The following APBB2 variants were observed in gnomAD, a reference collection of about 807,000 sequenced individuals.
The protein encoded by APBB2 is amyloid beta precursor protein binding family B member 2.
Under a neutral mutation model 82.5 loss-of-function variants are expected in APBB2, and 38 were observed. The ratio of observed to expected loss-of-function variants is 0.46; its 90% CI spans 0.36 to 0.60. The LOEUF (loss-of-function observed/expected upper bound fraction) is 0.60. Among genes scored for constraint, APBB2 ranks in the 20% least tolerant of loss-of-function variants. The pLI is 0.00. For synonymous variants in APBB2, 341 were observed against 368.2 expected (o/e 0.93, Z 0.85); for missense variants, 772 against 972.3 (o/e 0.79, Z 2.74).
intron 12 of APBB2, among the ~76,000 whole-genome samples, chr4:40,874,589 T>C (rs1766378903): frequency 6.6e-6 from 1 of 152,238 alleles, no homozygotes; most frequent in Admixed American, 6.5e-5. Context: ...TACAATGTTA[T>C]CATTCAGAAT....
intron 6 of APBB2, among the ~76,000 whole-genome samples, chr4:40,955,700 G>T (rs1791430501): frequency 6.6e-6 from 1 of 152,134 alleles, no homozygotes; most frequent in African/African-American, 2.4e-5. Context: ...ACTGCTGGAG[G>T]CCAACAGCTT....
rs187332302 is a variant in APBB2, at chr4:41,026,708, C to T, written c.19+6528G>A. Among the ~76,000 whole-genome samples the T allele has an allele frequency of 1.3e-4, 20 of 152,232 alleles. No homozygotes were observed. The East Asian group carries it at 3.9e-3, about 29-fold the overall frequency. ...GATAATATTTCATTGTATGGCTATACTACATTTTATTTGTTCACTGGTTAA... is the reference window on the plus strand; with the variant it reads ...GATAATATTTCATTGTATGGCTATATTACATTTTATTTGTTCACTGGTTAA... On this transcript the variant is annotated intron_variant, in intron 5 of 17. Coordinates refer to ENST00000508593, the MANE Select transcript of APBB2 (RefSeq NM_004307.2).
At chr4:40,968,240 A>T (rs1021016250) in intron 6 of APBB2, among the ~76,000 whole-genome samples, 4 of 152,236 alleles carry the variant, frequency 2.6e-5, no homozygotes, top group Admixed American at 2.6e-4. Context: ...CCAGGCAGTC[A>T]TATACCAGAA....
chr4:41,011,621 G>C (rs1480850064), intron 6 of APBB2, among the ~76,000 whole-genome samples: 1 of 152,018 alleles, frequency 6.6e-6, no homozygotes, highest in Non-Finnish European at 1.5e-5. Flanking sequence ...AGTAGAGAAG[G>C]GGTTTCACCA....
rs543247624 is a variant in APBB2, at chr4:41,070,839, G to A, written c.-148-5166C>T. On this transcript the variant is annotated intron_variant, in intron 3 of 17. Transcript: ENST00000508593. ...GAGACTTCTTTCTACTCTTAAGAAC[G>A]CTAAGATCAAGATAAATATACGCTA... Among the ~76,000 whole-genome samples, 6 of 152,154 alleles carry A rather than the reference G, an allele frequency of 3.9e-5. No homozygotes were observed. The East Asian group carries it at 7.7e-4, about 20-fold the overall frequency.
intron 4 of APBB2, among the ~76,000 whole-genome samples, chr4:41,063,804 G>A (rs1053961540): frequency 4.0e-5 from 6 of 151,702 alleles, no homozygotes; most frequent in African/African-American, 9.7e-5. Context: ...TCAGCCTCCC[G>A]AGTAGCTGGG....
At chr4:41,089,390 A>G (rs1355214580) in intron 3 of APBB2, among the ~76,000 whole-genome samples, 3 of 152,190 alleles carry the variant, frequency 2.0e-5, no homozygotes. Flanking sequence ...TTAGCACTCA[A>G]AAAGTGTCAG....
At chr4:41,208,520 C>T (rs1778526434) in intron 1 of APBB2, among the ~76,000 whole-genome samples, 1 of 152,126 alleles carries the variant, frequency 6.6e-6, no homozygotes, top group Middle Eastern at 3.2e-3. Flanking sequence ...CCTTGGCCTC[C>T]GAAAGTGCTA....
chr4:41,185,291 C>T (rs1772587601), intron 1 of APBB2, among the ~76,000 whole-genome samples: 1 of 152,164 alleles, frequency 6.6e-6, no homozygotes, highest in South Asian at 2.1e-4. Context: ...CTAAAATGCA[C>T]ATTGCTATTG....
chr4:41,033,621 C>CACAA (rs3222357), intron 4 of APBB2, among the ~76,000 whole-genome samples: 6 of 141,460 alleles, frequency 4.2e-5, no homozygotes, highest in African/African-American at 1.0e-4. Context: ...CACACACACA[C>CACAA]AATTCAGCAC....
intron 1 of APBB2, among the ~76,000 whole-genome samples, chr4:41,146,483 G>C (rs1760787687): frequency 6.6e-6 from 1 of 151,994 alleles, no homozygotes; most frequent in Admixed American, 6.6e-5. Context: ...AAGAGAACAA[G>C]ACCCCGTCTC....
At chr4:41,116,841 C>T (rs543758140) in intron 2 of APBB2, among the ~76,000 whole-genome samples, 1 of 152,218 alleles carries the variant, frequency 6.6e-6, no homozygotes, top group South Asian at 2.1e-4. Context: ...TATGGCCTTA[C>T]ACCTTTCTCT....
intron 6 of APBB2, among the ~76,000 whole-genome samples, chr4:41,007,305 C>A (rs764843702): frequency 1.3e-5 from 2 of 151,730 alleles, no homozygotes; most frequent in African/African-American, 4.8e-5. Flanking sequence ...CTGCAGCAAA[C>A]GGCACTCACT....
chr4:40,983,394 C>T (rs186049506), intron 6 of APBB2, among the ~76,000 whole-genome samples: 17 of 152,292 alleles, frequency 1.1e-4, no homozygotes, highest in African/African-American at 3.9e-4. Context: ...GAATGAAATG[C>T]ACATTTTTAT....
intron 6 of APBB2, among the ~76,000 whole-genome samples, chr4:40,957,583 T>TA (rs1791987162): frequency 1.3e-5 from 1 of 75,904 alleles, no homozygotes; most frequent in Non-Finnish European, 2.7e-5. Flanking sequence ...CACCTCATAT[T>TA]CCTTTTTTTT....
At chr4:40,909,906 C>T (rs1222005585) in intron 10 of APBB2, among the ~76,000 whole-genome samples, 1 of 152,186 alleles carries the variant, frequency 6.6e-6, no homozygotes, top group African/African-American at 2.4e-5. Flanking sequence ...CACAACAACA[C>T]TACAAAGTAG....
rs1777881703 is a variant in APBB2, at chr4:40,909,154, C to T, written c.1255-15743G>A. On this transcript the variant is annotated intron_variant, in intron 10 of 17. Coordinates refer to ENST00000508593, the MANE Select transcript of APBB2 (RefSeq NM_004307.2). ...TGCTACTAAAGAAAGGCCGGTGCAC[C>T]ATGCAATCACCATTATTTGCAATGC... 2.0e-5 allele frequency among the ~76,000 whole-genome samples: 3 copies of T among 152,322 alleles called. No homozygotes were observed. In the South Asian group the frequency reaches 6.2e-4, roughly 32 times the overall value.
At chr4:40,974,700 T>C (rs1253577324) in intron 6 of APBB2, among the ~76,000 whole-genome samples, 1 of 152,194 alleles carries the variant, frequency 6.6e-6, no homozygotes, top group East Asian at 1.9e-4. Flanking sequence ...TAATCTAACA[T>C]GATCAGAGAA....
At chr4:40,992,552 G>T (rs938350727) in intron 6 of APBB2, among the ~76,000 whole-genome samples, 2 of 152,132 alleles carry the variant, frequency 1.3e-5, no homozygotes, top group Admixed American at 1.3e-4. Context: ...TTAGATACGT[G>T]CTGAACAGCA....
Sources: gnomAD v4.1 joint callset for allele counts (sites outside exome capture counted in the v4.1 genomes callset) on GRCh38, gnomAD v4.1.1 for gene constraint, MANE v1.5 for transcripts, NCBI Gene and HGNC (gene_info 2026-07-23, HGNC 2026-07-21) for gene names.